Variants in FBXL17 observed in about 807,000 individuals in gnomAD.
FBXL17 encodes the protein F-box and leucine rich repeat protein 17, also known as F-box/LRR-repeat protein 17.
A neutral mutation model predicts 66.2 loss-of-function variants in FBXL17; 22 were observed. The observed-to-expected ratio is 0.33, with a 90% confidence interval of 0.24 to 0.47. The LOEUF is 0.47. FBXL17 is among the 20% of genes least tolerant of loss of function. The pLI is 1.00. For missense variants in FBXL17, 878 were observed against 948.2 expected (o/e 0.93, Z 0.97); for synonymous variants, 474 against 400.5 (o/e 1.18, Z -2.19).
intron 7 of FBXL17, among the ~76,000 whole-genome samples, chr5:107,924,523 T>G (rs1750434356): frequency 6.6e-6 from 1 of 152,188 alleles, no homozygotes; most frequent in Non-Finnish European, 1.5e-5. Flanking sequence ...GGTAAATAAG[T>G]GGTCAGGCCA....
intron 5 of FBXL17, among the ~76,000 whole-genome samples, chr5:108,208,022 G>C (rs912978768): frequency 4.6e-5 from 7 of 152,138 alleles, no homozygotes; most frequent in African/African-American, 1.7e-4. Flanking sequence ...TCTGGTGTGA[G>C]GAGGTATCTC....
rs572071815 is a variant in FBXL17 at position 108,372,670 on chromosome 5, AAAC to A, written c.994-4720_994-4718del. 9.4e-3 allele frequency among the ~76,000 whole-genome samples: 1,427 copies of A among 152,328 alleles called. 11 individuals are homozygous for A. Among genetic ancestry groups the A allele is most frequent in the Non-Finnish European group, 0.014 (934 of 68,020 alleles). ...TCAACCAAGAATCCTCTATCTGGTA[AAAC>A]AACCCTTTAAAAATAAAGGCAAAAT... On this transcript the variant is annotated intron_variant, in intron 1 of 8. Transcript: ENST00000542267.
intron 6 of FBXL17, among the ~76,000 whole-genome samples, chr5:108,034,386 C>T (rs1746760094): frequency 6.6e-6 from 1 of 152,156 alleles, no homozygotes; most frequent in South Asian, 2.1e-4. Context: ...AGGTACACTG[C>T]TTATCCTATC....
rs75317195 is a variant in FBXL17 at position 108,020,796 on chromosome 5, T to G, written c.1822+129A>C. 3.5e-5 allele frequency: 22 copies of G among 620,450 alleles called. No individual in the cohort carries two copies. The East Asian group carries it at 5.8e-4, about 16-fold the overall frequency. The allele number at this position is 620,450 out of a possible 1,614,324, so 38.4% of individuals were successfully genotyped here. A position where few individuals can be genotyped will look rare whatever the true frequency, so the allele number is the denominator to read the frequency against. On this transcript the variant is annotated intron_variant, in intron 7 of 8. Transcript: ENST00000542267. ...ATTTTTTTATTTTTATTTTTTGGTA[T>G]GGTCACAATGAGCATAAGTGACGAT...
At chr5:108,323,747 C>T (rs994057429) in intron 4 of FBXL17, among the ~76,000 whole-genome samples, 1 of 151,990 alleles carries the variant, frequency 6.6e-6, no homozygotes, top group Non-Finnish European at 1.5e-5. Flanking sequence ...AAAAGACAGA[C>T]ATAGACCAAA....
At chr5:108,320,603 AT>A (rs570028630) in intron 4 of FBXL17, among the ~76,000 whole-genome samples, 4 of 151,806 alleles carry the variant, frequency 2.6e-5, no homozygotes, top group Non-Finnish European at 5.9e-5. Flanking sequence ...AGAATTTTAC[AT>A]TTTATTTAAA....
At chr5:108,276,199 A>G (rs1435717935) in intron 4 of FBXL17, among the ~76,000 whole-genome samples, 4 of 152,208 alleles carry the variant, frequency 2.6e-5, no homozygotes, top group Non-Finnish European at 5.9e-5. Context: ...ACTGTACTAC[A>G]GAACTTTAAG....
intron 5 of FBXL17, among the ~76,000 whole-genome samples, chr5:108,189,752 T>A (rs1753391193): frequency 6.6e-6 from 1 of 152,136 alleles, no homozygotes; most frequent in Admixed American, 6.6e-5. Flanking sequence ...TTACAAAGGA[T>A]CTAGAGGTCT....
At chr5:108,130,758 T>A (rs2149976034) in intron 6 of FBXL17, among the ~76,000 whole-genome samples, 1 of 152,180 alleles carries the variant, frequency 6.6e-6, no homozygotes, top group East Asian at 1.9e-4. Flanking sequence ...ATTTATGGGC[T>A]CAAAGATGGC....
At chr5:108,271,894 T>C (rs144458565) in intron 4 of FBXL17, among the ~76,000 whole-genome samples, 10 of 152,260 alleles carry the variant, frequency 6.6e-5, no homozygotes, top group African/African-American at 2.4e-4. Context: ...TCTTCATCTA[T>C]AAAATGAGGC....
At chr5:108,331,223 C>T (rs1272658318) in intron 4 of FBXL17, among the ~76,000 whole-genome samples, 1 of 152,030 alleles carries the variant, frequency 6.6e-6, no homozygotes, top group Non-Finnish European at 1.5e-5. Context: ...TTCTAAGTAC[C>T]GACTATTCTT....
rs1385899440 is a variant in FBXL17 at position 108,199,433 on chromosome 5, C to A, written c.1615-13186G>T. Among the ~76,000 whole-genome samples, 3 of 152,164 alleles carry A rather than the reference C, an allele frequency of 2.0e-5. No individual in the cohort carries two copies. In the East Asian group the frequency reaches 5.8e-4, roughly 29 times the overall value. On this transcript the variant is annotated intron_variant, in intron 5 of 8. Coordinates refer to ENST00000542267, the MANE Select transcript of FBXL17 (RefSeq NM_001163315.3). ...ACAGCACTGAGAAAACATTTCAACT[C>A]TGTTGTTGCTAGAAGCATGTGTGAA...
chr5:108,039,365 G>A (rs1007634144), intron 6 of FBXL17, among the ~76,000 whole-genome samples: 4 of 152,102 alleles, frequency 2.6e-5, no homozygotes, highest in South Asian at 4.1e-4. Flanking sequence ...GCTAGAGGCT[G>A]TTCCAAAAGC....
chr5:108,183,566 T>C (rs1431967648), intron 6 of FBXL17, among the ~76,000 whole-genome samples: 1 of 152,216 alleles, frequency 6.6e-6, no homozygotes, highest in Non-Finnish European at 1.5e-5. Flanking sequence ...ATTTTCTTTT[T>C]CTTAAATGTT....
At chr5:107,926,226 C>T (rs1178003838) in intron 7 of FBXL17, among the ~76,000 whole-genome samples, 1 of 152,110 alleles carries the variant, frequency 6.6e-6, no homozygotes, top group African/African-American at 2.4e-5. Flanking sequence ...AGGTAAGTAA[C>T]TTGCTGATGG....
In FBXL17 at chr5:108,365,605, G is replaced by A. The variant is rs117403197; in HGVS notation, c.1117-610C>T. ...ATTTTCCAGAGTTCAGTGAATAGTTGTGGCTAATTATCAAAACTGAGAAAG... is the reference window on the plus strand; with the variant it reads ...ATTTTCCAGAGTTCAGTGAATAGTTATGGCTAATTATCAAAACTGAGAAAG... On this transcript the variant is annotated intron_variant, in intron 2 of 8. Coordinates refer to ENST00000542267, the MANE Select transcript of FBXL17 (RefSeq NM_001163315.3). Among the ~76,000 whole-genome samples the A allele has an allele frequency of 6.6e-5, 10 of 152,152 alleles. No homozygotes were observed. The East Asian group carries it at 1.9e-3, about 29-fold the overall frequency.
In FBXL17 at chr5:107,871,518, G is replaced by C. The variant is rs546563390; in HGVS notation, c.1965+9519C>G. 2.0e-5 allele frequency among the ~76,000 whole-genome samples: 3 copies of C among 152,276 alleles called. No homozygotes were observed. The East Asian group carries it at 5.8e-4, about 29-fold the overall frequency. Reference sequence around the variant, plus strand: ...GTATCACCAAGCTATCCTCCACTGAGAAAGATGTTTCCAGCCAAGTGCATG... The same window carrying C: ...GTATCACCAAGCTATCCTCCACTGACAAAGATGTTTCCAGCCAAGTGCATG... On this transcript the variant is annotated intron_variant, in intron 8 of 8. Transcript: ENST00000542267.
At chr5:108,206,804 C>T (rs1335049172) in intron 5 of FBXL17, among the ~76,000 whole-genome samples, 1 of 152,102 alleles carries the variant, frequency 6.6e-6, no homozygotes, top group Non-Finnish European at 1.5e-5. Flanking sequence ...AAGTTTGGGA[C>T]TGTTTCTAAT....
chr5:108,292,168 C>T (rs1758139599), intron 4 of FBXL17, among the ~76,000 whole-genome samples: 1 of 150,970 alleles, frequency 6.6e-6, no homozygotes, highest in African/African-American at 2.4e-5. Flanking sequence ...GTTGCCCAGG[C>T]TGGAGTGCAA....
Sources: gnomAD v4.1 joint callset for allele counts (sites outside exome capture counted in the v4.1 genomes callset) on GRCh38, gnomAD v4.1.1 for gene constraint, MANE v1.5 for transcripts, NCBI Gene and HGNC (gene_info 2026-07-23, HGNC 2026-07-21) for gene names.